FARS2: variants seen among roughly 807,000 people sequenced by gnomAD.
The protein encoded by FARS2 is phenylalanine--tRNA ligase, mitochondrial.
In FARS2, 40 loss-of-function variants were observed where a neutral mutation model predicts 46.4. The ratio of observed to expected loss-of-function variants is 0.86; its 90% CI spans 0.67 to 1.12. The LOEUF (loss-of-function observed/expected upper bound fraction) is 1.12, where lower values mean the gene tolerates loss of function less well. FARS2 is among the 50% of genes most tolerant of loss of function. The pLI is 0.00. For synonymous variants in FARS2, 234 were observed against 214.9 expected, an observed-to-expected ratio of 1.09 and a Z score of -0.78; for missense variants, 513 against 567.9, an observed-to-expected ratio of 0.90 and a Z score of 0.98.
intron 5 of FARS2, among the ~76,000 whole-genome samples, chr6:5,552,540 G>A (rs143719722): frequency 2.6e-5 from 4 of 152,268 alleles, no homozygotes; most frequent in Admixed American, 1.3e-4. Context: ...CAGCTGTGGG[G>A]CACTCTCCTG....
At chr6:5,354,683 T>C (rs1030693316) in intron 1 of FARS2, among the ~76,000 whole-genome samples, 3 of 151,826 alleles carry the variant, frequency 2.0e-5, no homozygotes, top group Non-Finnish European at 4.4e-5. Flanking sequence ...CCAGCTAACT[T>C]TTTGTATTTT....
chr6:5,419,974 A>T (rs757431753), intron 3 of FARS2, among the ~76,000 whole-genome samples: 20 of 152,320 alleles, frequency 1.3e-4, no homozygotes, highest in Non-Finnish European at 2.4e-4. Flanking sequence ...TGATAAAGAC[A>T]TACCCGAGAC....
chr6:5,341,200 T>TATAGATATATATATATATAG (rs1290721709), intron 1 of FARS2, among the ~76,000 whole-genome samples: 1 of 4,866 alleles, frequency 2.1e-4, no homozygotes, highest in African/African-American at 6.1e-4. Flanking sequence ...TATATATATA[T>TATAGATATATATATATATAG]ATATATATAT....
At chr6:5,745,545 CTTT>C (rs1761588309) in intron 6 of FARS2, among the ~76,000 whole-genome samples, 1 of 152,118 alleles carries the variant, frequency 6.6e-6, no homozygotes, top group African/African-American at 2.4e-5. Context: ...ATCGATGAGT[CTTT>C]TTTATTTTGA....
intron 6 of FARS2, among the ~76,000 whole-genome samples, chr6:5,706,182 T>C (rs1582803469): frequency 6.6e-6 from 1 of 152,186 alleles, no homozygotes; most frequent in Admixed American, 6.5e-5. Context: ...TTCTCACTCC[T>C]ATGAGAATCT....
At chr6:5,365,295 C>T (rs1758578548) in intron 1 of FARS2, among the ~76,000 whole-genome samples, 1 of 132,356 alleles carries the variant, frequency 7.6e-6, no homozygotes. Flanking sequence ...AATCTTGGAC[C>T]TTTGATTGAG....
chr6:5,685,658 T>C (rs923887503), intron 6 of FARS2, among the ~76,000 whole-genome samples: 9 of 152,150 alleles, frequency 5.9e-5, no homozygotes. Flanking sequence ...AGATAAAGCG[T>C]ACGAGGTTTT....
intron 4 of FARS2, among the ~76,000 whole-genome samples, chr6:5,434,781 T>C (rs1369094012): frequency 6.8e-6 from 1 of 148,028 alleles, no homozygotes; most frequent in Non-Finnish European, 1.5e-5. Context: ...TGCACCCTGC[T>C]CTTCCCCTCT....
At chr6:5,393,655 A>G (rs991599086) in intron 2 of FARS2, among the ~76,000 whole-genome samples, 5 of 151,632 alleles carry the variant, frequency 3.3e-5, no homozygotes, top group African/African-American at 1.2e-4. Context: ...GACTCCACCT[A>G]AAAAAAAGGC....
intron 1 of FARS2, among the ~76,000 whole-genome samples, chr6:5,313,348 G>C (rs1769224830): frequency 6.6e-6 from 1 of 152,086 alleles, no homozygotes; most frequent in African/African-American, 2.4e-5. Flanking sequence ...TTTACTGCTG[G>C]CTTTATAGTT....
chr6:5,497,734 G>A (rs888722094), intron 4 of FARS2, among the ~76,000 whole-genome samples: 1 of 152,132 alleles, frequency 6.6e-6, no homozygotes, highest in Admixed American at 6.5e-5. Flanking sequence ...AGCAATAAAT[G>A]TGGGTAATTT....
intron 6 of FARS2, among the ~76,000 whole-genome samples, chr6:5,735,732 C>T (rs528392740): frequency 2.6e-5 from 4 of 152,156 alleles, no homozygotes; most frequent in Non-Finnish European, 4.4e-5. Flanking sequence ...TGGTCAATAG[C>T]GGTAATGTTC....
chr6:5,532,971 T>C (rs2150462080), intron 4 of FARS2, among the ~76,000 whole-genome samples: 1 of 152,194 alleles, frequency 6.6e-6, no homozygotes, highest in East Asian at 1.9e-4. Flanking sequence ...ATGTAGTAGT[T>C]CAAGCATTTC....
upstream of FARS2, among the ~76,000 whole-genome samples, chr6:5,258,405 C>G (rs540327765): frequency 5.9e-5 from 9 of 152,282 alleles, no homozygotes; most frequent in East Asian, 5.8e-4. Context: ...CAGGGTAATA[C>G]AAATAGTACC....
intron 6 of FARS2, chr6:5,665,180 C>G (rs573312604): frequency 1.3e-5 from 2 of 152,412 alleles, no homozygotes. Flanking sequence ...CACCCAAAAA[C>G]CCCGATGGCC....
intron 6 of FARS2, among the ~76,000 whole-genome samples, chr6:5,738,491 A>G (rs1312527943): frequency 6.6e-6 from 1 of 151,288 alleles, no homozygotes. Context: ...TGAATGACAG[A>G]GAGCATCATC....
At chr6:5,502,509 G>A (rs781140355) in intron 4 of FARS2, among the ~76,000 whole-genome samples, 3 of 152,142 alleles carry the variant, frequency 2.0e-5, no homozygotes, top group Admixed American at 6.5e-5. Flanking sequence ...GATATTGAAC[G>A]TGTAACCTGT....
intron 6 of FARS2, among the ~76,000 whole-genome samples, chr6:5,645,604 GC>G (rs984874251): frequency 2.0e-5 from 3 of 152,206 alleles, no homozygotes; most frequent in African/African-American, 7.2e-5. Flanking sequence ...TCCTCTGTGT[GC>G]ATGAACTGCT....
intron 6 of FARS2, among the ~76,000 whole-genome samples, chr6:5,644,206 C>CT (rs1257480766): frequency 6.6e-6 from 1 of 151,878 alleles, no homozygotes; most frequent in Non-Finnish European, 1.5e-5. Context: ...TTTGTTGTTT[C>CT]TTTTTTCTTT....
Sources: gnomAD v4.1 joint callset for allele counts (sites outside exome capture counted in the v4.1 genomes callset) on GRCh38, gnomAD v4.1.1 for gene constraint, MANE v1.5 for transcripts, NCBI Gene and HGNC (gene_info 2026-07-23, HGNC 2026-07-21) for gene names.